The following AGMO variants were observed in gnomAD, a reference collection of about 807,000 sequenced individuals.
AGMO encodes the protein glyceryl-ether monooxygenase.
In AGMO, 75 loss-of-function variants were observed where a neutral mutation model predicts 60.2. The ratio of observed to expected loss-of-function variants is 1.25; its 90% CI spans 1.03 to 1.51. The LOEUF (loss-of-function observed/expected upper bound fraction) is 1.51, where lower values mean the gene tolerates loss of function less well. AGMO is among the 40% of genes most tolerant of loss of function. AGMO has a pLI of 0.00. For missense variants in AGMO, 763 were observed against 525.5 expected (o/e 1.45, Z -4.42); for synonymous variants, 261 against 177.1 (o/e 1.47, Z -3.76).
chr7:15,138,122 G>T, the AGMO span, among the ~76,000 whole-genome samples: 1 of 152,038 alleles, frequency 6.6e-6, no homozygotes, highest in African/African-American at 2.4e-5. Flanking sequence ...CAAAAAGTTA[G>T]AATTGCTCTC....
At chr7:15,229,030 GA>G (rs1782172675) in intron 12 of AGMO, among the ~76,000 whole-genome samples, 1 of 152,090 alleles carries the variant, frequency 6.6e-6, no homozygotes, top group Admixed American at 6.6e-5. Context: ...TCAGACCAGT[GA>G]TATATGACTT....
chr7:15,424,984 A>G (rs1440794641), intron 4 of AGMO, among the ~76,000 whole-genome samples: 2 of 152,220 alleles, frequency 1.3e-5, no homozygotes, highest in South Asian at 2.1e-4. Flanking sequence ...CAATGTAATA[A>G]AAAGATCTGA....
At chr7:15,340,897 G>T (rs544073665) in intron 12 of AGMO, among the ~76,000 whole-genome samples, 1 of 152,284 alleles carries the variant, frequency 6.6e-6, no homozygotes, top group South Asian at 2.1e-4. Flanking sequence ...CGAGACCGCA[G>T]AATGGTAGAT....
intron 3 of AGMO, among the ~76,000 whole-genome samples, chr7:15,491,810 T>A (rs1395706503): frequency 6.6e-6 from 1 of 152,174 alleles, no homozygotes; most frequent in African/African-American, 2.4e-5. Flanking sequence ...TTTCTACTTG[T>A]AGTCAATGAA....
intron 2 of AGMO, among the ~76,000 whole-genome samples, chr7:15,558,499 G>A (rs938188073): frequency 2.0e-5 from 3 of 151,956 alleles, no homozygotes; most frequent in Admixed American, 1.3e-4. Context: ...CCTTGGGCAT[G>A]TTGAATGTTT....
chr7:15,202,472 A>AAAAAAAC (rs1781320126), intron 12 of AGMO, among the ~76,000 whole-genome samples: 2 of 138,252 alleles, frequency 1.4e-5, no homozygotes, highest in Non-Finnish European at 3.0e-5. Flanking sequence ...AAAAAAAAAA[A>AAAAAAAC]AAAAAAAAAA....
intron 12 of AGMO, among the ~76,000 whole-genome samples, chr7:15,354,460 A>G (rs901563439): frequency 0.047 from 847 of 18,022 alleles, 124 homozygotes; most frequent in East Asian, 0.42. Flanking sequence ...GTGTATACAC[A>G]CGTGTGTGTA....
intron 12 of AGMO, among the ~76,000 whole-genome samples, chr7:15,286,814 G>A (rs201543167): frequency 6.6e-6 from 1 of 152,064 alleles, no homozygotes; most frequent in East Asian, 1.9e-4. Context: ...CAAAGATATG[G>A]AACCAATCTA....
At chr7:15,296,785 AGG>A (rs1300740418) in intron 12 of AGMO, among the ~76,000 whole-genome samples, 3 of 152,166 alleles carry the variant, frequency 2.0e-5, no homozygotes, top group African/African-American at 7.2e-5. Context: ...ACTGGTGTTC[AGG>A]AAGACCAAAT....
At chr7:15,370,108 A>G (rs190390087) in intron 10 of AGMO, among the ~76,000 whole-genome samples, 6 of 152,020 alleles carry the variant, frequency 3.9e-5, no homozygotes, top group African/African-American at 1.4e-4. Flanking sequence ...CTTTATGTCC[A>G]GGGTACCCAA....
chr7:15,362,242 A>G (rs1782796434), intron 12 of AGMO, among the ~76,000 whole-genome samples: 1 of 152,158 alleles, frequency 6.6e-6, no homozygotes, highest in Non-Finnish European at 1.5e-5. Context: ...GAAATTCATA[A>G]TTAATAATAT....
At chr7:15,301,161 G>A (rs752663827) in intron 12 of AGMO, among the ~76,000 whole-genome samples, 4 of 152,122 alleles carry the variant, frequency 2.6e-5, no homozygotes, top group South Asian at 4.1e-4. Context: ...AATGCTGGCC[G>A]GGCGCGGTGG....
At chr7:15,157,327 T>G in the AGMO span, among the ~76,000 whole-genome samples, 3 of 151,784 alleles carry the variant, frequency 2.0e-5, no homozygotes, top group Admixed American at 1.3e-4. Flanking sequence ...GAGTAAAGAG[T>G]GGAGTGACAG....
rs375731115 is a variant in AGMO at position 15,407,105 on chromosome 7, T to C, written c.609+11453A>G. Reference sequence around the variant, plus strand: ...ATATATACACATATATACATATATGTGTGCATATGTACACATATATACCCA... The same window carrying C: ...ATATATACACATATATACATATATGCGTGCATATGTACACATATATACCCA... On this transcript the variant is annotated intron_variant, in intron 5 of 12. Coordinates refer to ENST00000342526, the MANE Select transcript of AGMO (RefSeq NM_001004320.2). Among the ~76,000 whole-genome samples, 182 of 135,804 alleles carry C rather than the reference T, an allele frequency of 1.3e-3. No homozygotes were observed. The Middle Eastern group carries it at 0.018, about 13-fold the overall frequency. The allele number at this position is 135,804 out of a possible 152,430, so 89.1% of individuals were successfully genotyped here. A position where few individuals can be genotyped will look rare whatever the true frequency, so the allele number is the denominator to read the frequency against.
intron 12 of AGMO, among the ~76,000 whole-genome samples, chr7:15,326,025 A>G (rs1409644864): frequency 2.6e-5 from 4 of 152,214 alleles, no homozygotes; most frequent in African/African-American, 9.6e-5. Context: ...AGTTTTATAA[A>G]GCAGAGGAAA....
chr7:15,320,886 T>G (rs2128538361), intron 12 of AGMO, among the ~76,000 whole-genome samples: 1 of 152,282 alleles, frequency 6.6e-6, no homozygotes, highest in Admixed American at 6.5e-5. Flanking sequence ...TAACTTTAGT[T>G]TTTTAAAACA....
At chr7:15,118,201 CACACACACAT>C in the AGMO span, among the ~76,000 whole-genome samples, 13 of 151,286 alleles carry the variant, frequency 8.6e-5, no homozygotes, top group East Asian at 1.6e-3. Context: ...CACACACACA[CACACACACAT>C]ATATACAAAC....
chr7:15,420,084 A>T (rs1780885368), intron 4 of AGMO, among the ~76,000 whole-genome samples: 1 of 152,236 alleles, frequency 6.6e-6, no homozygotes, highest in East Asian at 1.9e-4. Flanking sequence ...ATGCTTAATA[A>T]GTAGTTCTGT....
chr7:15,250,268 C>T (rs1475970761), intron 12 of AGMO, among the ~76,000 whole-genome samples: 1 of 151,928 alleles, frequency 6.6e-6, no homozygotes, highest in East Asian at 1.9e-4. Context: ...ATTTATATTC[C>T]CACTACTGTA....
Sources: gnomAD v4.1 joint callset for allele counts (sites outside exome capture counted in the v4.1 genomes callset) on GRCh38, gnomAD v4.1.1 for gene constraint, MANE v1.5 for transcripts, NCBI Gene and HGNC (gene_info 2026-07-23, HGNC 2026-07-21) for gene names.